Variants in LTBP2 observed in about 807,000 individuals in gnomAD.
LTBP2 encodes latent-transforming growth factor beta-binding protein 2.
LTBP2 carries 103 observed loss-of-function variants against 210.6 expected under a neutral mutation model. The ratio of observed to expected loss-of-function variants is 0.49; its 90% confidence interval spans 0.42 to 0.58. The LOEUF (loss-of-function observed/expected upper bound fraction) is 0.58. Among genes scored for constraint, LTBP2 ranks in the 20% least tolerant of loss-of-function variants. The pLI, the probability that LTBP2 is intolerant of heterozygous loss-of-function variation, is 0.00. For synonymous variants in LTBP2, 1,007 were observed against 1,015.0 expected (o/e 0.99, Z 0.15); for missense variants, 2,313 against 2,494.5 (o/e 0.93, Z 1.55).
At chr14:74,572,418 G>A (rs1173394556) in intron 3 of LTBP2, among the ~76,000 whole-genome samples, 1 of 151,004 alleles carries the variant, frequency 6.6e-6, no homozygotes, top group Non-Finnish European at 1.5e-5. Flanking sequence ...TTCACAAGTG[G>A]AAACAAGTGT....
chr14:74,559,430 A>T (rs1020777579), intron 3 of LTBP2, among the ~76,000 whole-genome samples: 2 of 152,110 alleles, frequency 1.3e-5, no homozygotes, highest in Non-Finnish European at 2.9e-5. Context: ...AGGTTTTTTT[A>T]TAGGTCCTGC....
intron 8 of LTBP2, among the ~76,000 whole-genome samples, chr14:74,540,808 T>A (rs7154343): frequency 1.9e-3 from 12 of 6,330 alleles, no homozygotes; most frequent in Admixed American, 5.7e-3. Context: ...TATATATATA[T>A]AATATATATA....
chr14:74,515,007 G>A (rs1015813894), intron 18 of LTBP2, among the ~76,000 whole-genome samples: 13 of 152,124 alleles, frequency 8.5e-5, no homozygotes, highest in African/African-American at 3.1e-4. Flanking sequence ...AGAGGGCTGG[G>A]GTATGGGGGA....
chr14:74,507,450 G>A, intron 25 of LTBP2, 140 bp from the exon 26 acceptor site: 1 of 1,195,054 alleles, frequency 8.4e-7, no homozygotes, highest in Non-Finnish European at 1.2e-6. Context: ...GCACATCAAG[G>A]TCAGGACGAT....
intron 2 of LTBP2, among the ~76,000 whole-genome samples, chr14:74,588,445 T>C (rs1332709688): frequency 6.6e-6 from 1 of 152,124 alleles, no homozygotes; most frequent in African/African-American, 2.4e-5. Context: ...GGTCTGAAAC[T>C]CCCGACCTCA....
intron 8 of LTBP2, among the ~76,000 whole-genome samples, chr14:74,536,775 G>A (rs913981879): frequency 6.6e-6 from 1 of 152,218 alleles, no homozygotes; most frequent in Non-Finnish European, 1.5e-5. Flanking sequence ...GAACCCAGGA[G>A]GGGGAGGTCG....
chr14:74,543,498 T>A (rs2087537250), intron 8 of LTBP2, among the ~76,000 whole-genome samples: 1 of 74,446 alleles, frequency 1.3e-5, no homozygotes, highest in East Asian at 3.3e-4. Context: ...GCACAAACCC[T>A]ATAGAGCCTG....
At chr14:74,524,175 A>G (rs998563474) in intron 15 of LTBP2, among the ~76,000 whole-genome samples, 1 of 151,598 alleles carries the variant, frequency 6.6e-6, no homozygotes, top group African/African-American at 2.4e-5. Context: ...CTCCAGGTCC[A>G]TTTTCCTTGT....
At chr14:74,560,138 G>A (rs936376511) in intron 3 of LTBP2, 3 of 152,120 alleles carry the variant, frequency 2.0e-5, no homozygotes, top group Non-Finnish European at 4.4e-5. Context: ...ACATAAAGTC[G>A]CTTTTTATTT....
Position 74,551,245 on chromosome 14 carries a change from A to C in LTBP2, c.1505T>G (p.Leu502Arg), listed in dbSNP as rs754160597. The C allele has an allele frequency of 2.5e-6, 4 of 1,612,708 alleles. No homozygotes were observed. Among genetic ancestry groups the C allele is most frequent in the Non-Finnish European group, 3.4e-6 (4 of 1,179,694 alleles). Residue 502 changes from leucine (L) to arginine (R), a missense_variant, in exon 7 of 36, where the codon CTA (leucine) becomes CGA (arginine). Coordinates refer to ENST00000261978, the MANE Select transcript of LTBP2 (RefSeq NM_000428.3). ...TCTGGTCTCCACGCTGTTCTCCACT[A>C]GGGCCTCCTCCACCCCGCCCCGCAC... ...AQVRGGVEEA[L>R]VENSVETRPP...
rs2086980631 is a variant in LTBP2, at chr14:74,506,156, C to T, written c.4069G>A (p.Gly1357Arg). Residue 1357 changes from glycine to arginine, a missense_variant, in exon 28 of 36, where the codon GGG becomes AGG. Transcript: ENST00000261978. ...NECELMLAVCGAALCENVEGS... is the reference protein window; with the variant it reads ...NECELMLAVCRAALCENVEGS... ...TCCACGTTCTCACAGAGCGCGGCCC[C>T]ACATACCGCCAGCATAAGCTCACAC... 1.2e-6 allele frequency: 2 copies of T among 1,613,912 alleles called. No homozygotes were observed. Among genetic ancestry groups the T allele is most frequent in the East Asian group, 4.5e-5 (2 of 44,834 alleles).
At position 74,586,055 on chromosome 14, in the gene LTBP2, C is replaced by T. The variant is rs1322915626; in HGVS notation, c.629G>A (p.Arg210His). ...GCAGCGGGCTCCACGGAAACCAGAGCGGCAGACACAGAGCTGCGGGCGGCT... is the reference window on the plus strand; with the variant it reads ...GCAGCGGGCTCCACGGAAACCAGAGTGGCAGACACAGAGCTGCGGGCGGCT... ...SCSRPQLCVC[R>H]SGFRGARCEE... is the part of the protein sequence containing the mutation. The change falls in exon 3 of 36, where the codon CGC becomes CAC. Residue 210 changes from arginine (R) to histidine (H), a missense_variant. Arg to His is a conservative substitution (Grantham distance 29). This residue lies in a region of LTBP2 where 1,867 missense variants were observed against 1,976.9 expected (regional missense o/e 0.94). Coordinates refer to ENST00000261978, the MANE Select transcript of LTBP2 (RefSeq NM_000428.3). This position sits in a 1 kb window ranked among gnomAD's most constrained non-coding sequence, Gnocchi z 4.6. 2 of 1,601,924 alleles carry T rather than the reference C, an allele frequency of 1.2e-6. No homozygotes were observed. Among genetic ancestry groups the T allele is most frequent in the Non-Finnish European group, 1.7e-6 (2 of 1,174,562 alleles).
chr14:74,508,846 A>G lies in LTBP2; in HGVS notation c.3510T>C (p.Asn1170=), dbSNP rs61738012. The G allele has an allele frequency of 2.5e-4, 407 of 1,613,546 alleles. 2 individuals are homozygous for G. The African/African-American group carries it at 5.0e-3, about 20-fold the overall frequency. The change falls in exon 23 of 36, where the codon AAT becomes AAC. Residue 1170 remains asparagine, a synonymous_variant. Coordinates refer to ENST00000261978, the MANE Select transcript of LTBP2 (RefSeq NM_000428.3). ...GTCACTCACCCTCACACACGGTGCCATTGGCCAGCTGGAAGCCCTGGGGAC... is the reference window on the plus strand; with the variant it reads ...GTCACTCACCCTCACACACGGTGCCGTTGGCCAGCTGGAAGCCCTGGGGAC... The part of the protein sequence containing the change: ...CLCPQGFQLA[N]GTVCEDVNEC...
chr14:74,608,715 G>GAAAAAAAAAAA (rs5809673), intron 1 of LTBP2, among the ~76,000 whole-genome samples: 1 of 116,260 alleles, frequency 8.6e-6, no homozygotes, highest in African/African-American at 3.3e-5. Flanking sequence ...TCAAAAAAAA[G>GAAAAAAAAAAA]AAAAAAAAAA....
chr14:74,556,397 T>C (rs867748301), intron 3 of LTBP2, among the ~76,000 whole-genome samples: 1 of 152,264 alleles, frequency 6.6e-6, no homozygotes, highest in Non-Finnish European at 1.5e-5. Context: ...GATCACACTT[T>C]ACACAATTCA....
chr14:74,544,823 A>G (rs1273404809), intron 8 of LTBP2, among the ~76,000 whole-genome samples: 1 of 152,120 alleles, frequency 6.6e-6, no homozygotes, highest in African/African-American at 2.4e-5. Context: ...GGCACAACCC[A>G]TTTTATTGCT....
At chr14:74,601,825 G>A (rs534282921) in intron 2 of LTBP2, among the ~76,000 whole-genome samples, 6 of 152,340 alleles carry the variant, frequency 3.9e-5, no homozygotes, top group East Asian at 1.9e-4. Flanking sequence ...AACATCATAC[G>A]TTTTTTCACA....
In LTBP2 at chr14:74,499,396, A is replaced by G. The variant is rs2086886577; in HGVS notation, c.*1488T>C. The G allele has an allele frequency of 4.5e-6, 1 of 223,618 alleles. No individual in the cohort carries two copies. The highest frequency in any genetic ancestry group is 8.9e-6 in the Non-Finnish European group (1 of 111,934). 13.9% of individuals were successfully genotyped at this position (223,618 alleles called of 1,614,324 possible). A position where few individuals can be genotyped will look rare whatever the true frequency, so the allele number is the denominator to read the frequency against. ...GTAAGTAGGATTATTGGATAATTAA[A>G]TGAAATGTATGTATGGCACTCAGCA... is the stretch of plus-strand genomic sequence containing the variant. On this transcript the variant is annotated 3_prime_UTR_variant, in exon 36 of 36. Coordinates refer to ENST00000261978, the MANE Select transcript of LTBP2 (RefSeq NM_000428.3).
At chr14:74,609,632 C>G (rs527770544) in intron 1 of LTBP2, among the ~76,000 whole-genome samples, 1 of 152,304 alleles carries the variant, frequency 6.6e-6, no homozygotes, top group South Asian at 2.1e-4. Flanking sequence ...TCCAGGCCCC[C>G]CTCCTGCCAC....
Sources: gnomAD v4.1 joint callset for allele counts (sites outside exome capture counted in the v4.1 genomes callset) on GRCh38, gnomAD v4.1.1 for gene constraint, gnomAD v4.1.1 regional missense constraint, Gnocchi (gnomAD v3.1) non-coding constraint, MANE v1.5 for transcripts, NCBI Gene and HGNC (gene_info 2026-07-23, HGNC 2026-07-21) for gene names.